Variants in CCDC74A observed in about 807,000 individuals in gnomAD.
CCDC74A encodes coiled-coil domain containing 74A, also known as coiled-coil domain-containing protein 74A.
A neutral mutation model predicts 37.6 loss-of-function variants in CCDC74A; 38 were observed. The ratio of observed to expected loss-of-function variants is 1.01; its 90% CI spans 0.78 to 1.33. The LOEUF is 1.33. Among genes scored for constraint, CCDC74A ranks in the 40% most tolerant of loss-of-function variants. The pLI, the probability that CCDC74A is intolerant of heterozygous loss-of-function variation, is 0.00. For synonymous variants in CCDC74A, 134 were observed against 165.2 expected, an observed-to-expected ratio of 0.81 and a Z score of 1.45; for missense variants, 340 against 403.4, an observed-to-expected ratio of 0.84 and a Z score of 1.35.
upstream of CCDC74A, among the ~76,000 whole-genome samples, chr2:131,526,887 T>C (rs1419905805): frequency 1.3e-5 from 2 of 152,134 alleles, no homozygotes; most frequent in East Asian, 3.9e-4. Context: ...TTCTTTCACT[T>C]GTATCCCCTG....
upstream of CCDC74A, chr2:131,527,783 C>A (rs1812767): frequency 0.22 from 149,986 of 693,038 alleles, 21,984 homozygotes; most frequent in East Asian, 0.7. Context: ...GCGTGAGCCC[C>A]GGCGCCCAGC....
intron 7 of CCDC74A, 63 bp downstream of exon 7, chr2:131,533,132 G>A: frequency 6.2e-7 from 1 of 1,611,800 alleles, no homozygotes; most frequent in Non-Finnish European, 8.5e-7. Context: ...GGGAGGGAGT[G>A]GGGAAGGGAG....
upstream of CCDC74A, among the ~76,000 whole-genome samples, chr2:131,525,710 CCTTTTT>C (rs1230826770): frequency 8.3e-6 from 1 of 121,048 alleles, no homozygotes; most frequent in African/African-American, 4.0e-5. Flanking sequence ...ACTATGCCTG[CCTTTTT>C]TTTTTTTTTT....
intron 2 of CCDC74A, 112 bp downstream of exon 2, chr2:131,529,803 G>C (rs1680908229): frequency 6.4e-7 from 1 of 1,554,582 alleles, no homozygotes; most frequent in African/African-American, 1.4e-5. Flanking sequence ...CAACCCAGTG[G>C]GTACAGGTTC....
chr2:131,529,663 C>T lies in CCDC74A; in HGVS notation c.267C>T (p.Leu89=). 1.2e-6 allele frequency: 2 copies of T among 1,614,028 alleles called. No individual in the cohort carries two copies. The highest frequency in any genetic ancestry group is 1.7e-6 in the Non-Finnish European group (2 of 1,179,872). Residue 89 remains leucine (L), a synonymous_variant, in exon 2 of 8, where the codon CTC becomes CTT. Transcript: ENST00000409856. ...TGCTTTCAGATCTCCATTACAAGCT[C>T]ATAATGAATCAGACATCACAGAAGA... is the stretch of plus-strand genomic sequence containing the variant. ...KRENKDLHYK[L]IMNQTSQKKD...
upstream of CCDC74A, among the ~76,000 whole-genome samples, chr2:131,522,956 G>A (rs796105318): frequency 7.9e-5 from 12 of 152,270 alleles, no homozygotes; most frequent in African/African-American, 2.9e-4. Flanking sequence ...CCAGGCTGGA[G>A]TGCACTGCAC....
rs751264442 is a variant in CCDC74A, at chr2:131,528,254, C to G, written c.250+34C>G. The G allele has an allele frequency of 6.8e-6, 11 of 1,606,898 alleles. No homozygotes were observed. In the South Asian group the frequency reaches 1.0e-4, roughly 15 times the overall value. On this transcript the variant is annotated intron_variant, in intron 1 of 7. Coordinates refer to ENST00000409856, the MANE Select transcript of CCDC74A (RefSeq NM_001258306.3). The stretch of plus-strand genomic sequence containing the variant: ...GCGCGGGGCCCTAGGCCGGCCCTGC[C>G]TCCCCAGGCACACTCAACACTGCCG...
Position 131,533,447 on chromosome 2 carries a change from C to T in CCDC74A, c.*49C>T, listed in dbSNP as rs397727335. 110 of 1,606,754 alleles carry T rather than the reference C, an allele frequency of 6.8e-5. No homozygotes were observed. Among genetic ancestry groups the T allele is most frequent in the East Asian group, 2.0e-4 (9 of 44,702 alleles). ...AGGCCCACCAACCTGCAGCTGGAGA[C>T]TGGCTCTCTATAGCATTTCCTGATA... On this transcript the variant is annotated 3_prime_UTR_variant, in exon 8 of 8. Coordinates refer to ENST00000409856, the MANE Select transcript of CCDC74A (RefSeq NM_001258306.3).
chr2:131,524,117 CCTT>C (rs1487019008), upstream of CCDC74A, among the ~76,000 whole-genome samples: 2 of 152,188 alleles, frequency 1.3e-5, no homozygotes, highest in African/African-American at 4.8e-5. Flanking sequence ...CAGTCGAATT[CCTT>C]CTTCTGAGGA....
intron 2 of CCDC74A, chr2:131,530,224 G>C (rs781183768): frequency 7.8e-6 from 12 of 1,547,472 alleles, no homozygotes; most frequent in African/African-American, 4.1e-5. Flanking sequence ...TCCTGACAGC[G>C]GCCCCCACCC....
intron 1 of CCDC74A, chr2:131,529,390 G>T: frequency 1.6e-6 from 1 of 640,736 alleles, no homozygotes; most frequent in Non-Finnish European, 2.8e-6. Flanking sequence ...TGGGCAGTGT[G>T]GATGCCCTCC....
At position 131,530,704 on chromosome 2, in the gene CCDC74A, C is replaced by T. The variant is rs149664658; in HGVS notation, c.296-73C>T. ...TGCCAGGCTGAAGGAGGGCTCCTCA[C>T]GGACACACAGGCCAGGAGGCAAGCG... On this transcript the variant is annotated intron_variant, in intron 2 of 7. Coordinates refer to ENST00000409856, the MANE Select transcript of CCDC74A (RefSeq NM_001258306.3). 2.7e-3 allele frequency: 4,344 copies of T among 1,613,212 alleles called. 1 individual carries two copies. Among genetic ancestry groups the T allele is most frequent in the African/African-American group, 6.7e-3 (500 of 74,816 alleles).
chr2:131,531,858 C>G lies in CCDC74A; in HGVS notation c.485+56C>G, dbSNP rs1681370552. The G allele has an allele frequency of 8.5e-6, 13 of 1,523,824 alleles. 2 individuals carry two copies. In the South Asian group the frequency reaches 1.6e-4, roughly 18 times the overall value. The allele number at this position is 1,523,824 out of a possible 1,614,324, so 94.4% of individuals were successfully genotyped here. On this transcript the variant is annotated intron_variant, in intron 4 of 7. Coordinates refer to ENST00000409856, the MANE Select transcript of CCDC74A (RefSeq NM_001258306.3). ...GCAGGCCAGGTAAGTCTTGCCTGCA[C>G]CCTAAGGGCCCCATGACTACATTTA...
chr2:131,523,003 TAAGC>T (rs1279967856), upstream of CCDC74A, among the ~76,000 whole-genome samples: 14 of 152,160 alleles, frequency 9.2e-5, no homozygotes, highest in African/African-American at 3.4e-4. Context: ...CTCCTGGGCT[TAAGC>T]AATCCTTCCG....
chr2:131,529,484 G>C (rs779018089), intron 1 of CCDC74A, 163 bp from the exon 2 acceptor site: 13 of 937,810 alleles, frequency 1.4e-5, no homozygotes, highest in South Asian at 1.3e-5. Flanking sequence ...TGACACCCAC[G>C]ACGAAGGCGT....
rs71428594 is a variant in CCDC74A, at chr2:131,533,048, C to T, written c.788C>T (p.Thr263Ile). 6.5e-3 allele frequency: 10,518 copies of T among 1,613,888 alleles called. 55 individuals are homozygous for T. Among genetic ancestry groups the T allele is most frequent in the Middle Eastern group, 0.032 (193 of 6,056 alleles). ...GCCACGCATTTCCCCAAGGTCTCCA[C>T]CAAGAGCCTCTCCAAGAAATGGTAA... Reference protein sequence around the residue: ...QEATHFPKVSTKSLSKKCLSP... With the variant: ...QEATHFPKVSIKSLSKKCLSP... The change falls in exon 7 of 8, where the codon ACC (threonine) becomes ATC (isoleucine). Residue 263 changes from threonine to isoleucine, a missense_variant. Physicochemically the swap from Thr to Ile is moderately conservative, Grantham distance 89. Transcript: ENST00000409856.
rs1680461766 is a variant in CCDC74A at position 131,528,018 on chromosome 2, G to C, written c.48G>C (p.Pro16=). The change falls in exon 1 of 8, where the codon CCG becomes CCC. Residue 16 remains proline, a synonymous_variant. Coordinates refer to ENST00000409856, the MANE Select transcript of CCDC74A (RefSeq NM_001258306.3). Reference sequence around the variant, plus strand: ...CTGGGACGCGGCCCCCCAGCTCGCCGACCCCGGGCTCTCGGCGCCGGCGCC... The same window carrying C: ...CTGGGACGCGGCCCCCCAGCTCGCCCACCCCGGGCTCTCGGCGCCGGCGCC... ...VAAGTRPPSS[P]TPGSRRRRQR... 1 of 1,478,066 alleles carries C rather than the reference G, an allele frequency of 6.8e-7. No homozygotes were observed. The highest frequency in any genetic ancestry group is 9.0e-7 in the Non-Finnish European group (1 of 1,116,566). 91.6% of individuals were successfully genotyped at this position (1,478,066 alleles called of 1,614,324 possible). A position where few individuals can be genotyped will look rare whatever the true frequency, so the allele number is the denominator to read the frequency against.
chr2:131,532,990 C>T, intron 6 of CCDC74A, 23 bp from the exon 7 acceptor site: 1 of 1,613,968 alleles, frequency 6.2e-7, no homozygotes, highest in East Asian at 2.2e-5. Context: ...CCACAGCTCA[C>T]TGCTGACTCT....
intron 2 of CCDC74A, chr2:131,530,394 G>T (rs3106072): frequency 5.2e-6 from 8 of 1,548,770 alleles, no homozygotes; most frequent in African/African-American, 4.1e-5. Flanking sequence ...ACATGGAGAA[G>T]GGGGTTGAGG....
Sources: allele counts gnomAD v4.1 joint callset (sites outside exome capture counted in the v4.1 genomes callset), GRCh38; gene constraint gnomAD v4.1.1; transcripts MANE v1.5; gene names NCBI Gene and HGNC (gene_info 2026-07-23, HGNC 2026-07-21).